SMARCAD1: variants seen among roughly 807,000 people sequenced by gnomAD.
SMARCAD1 encodes SWI/SNF-related matrix-associated actin-dependent regulator of chromatin subfamily A containing DEAD/H box 1.
Under a neutral mutation model 127.1 loss-of-function variants are expected in SMARCAD1, and 25 were observed. That is an observed-to-expected ratio of 0.20 (90% confidence interval 0.14 to 0.27). The LOEUF is 0.27. Ranked by LOEUF, SMARCAD1 falls within the 10% of genes least tolerant of loss-of-function variation. SMARCAD1 has a pLI of 1.00. For synonymous variants in SMARCAD1, 400 were observed against 396.9 expected, an observed-to-expected ratio of 1.01 and a Z score of -0.09; for missense variants, 807 against 1,206.0, an observed-to-expected ratio of 0.67 and a Z score of 4.90.
chr4:94,260,277 A>G (rs1750764001), intron 9 of SMARCAD1, among the ~76,000 whole-genome samples: 1 of 152,210 alleles, frequency 6.6e-6, no homozygotes, highest in South Asian at 2.1e-4. Context: ...TTGTAACATT[A>G]GCATCTGTTG....
At chr4:94,250,398 C>T (rs747959104) in intron 7 of SMARCAD1, among the ~76,000 whole-genome samples, 1 of 151,998 alleles carries the variant, frequency 6.6e-6, no homozygotes, top group Non-Finnish European at 1.5e-5. Context: ...TGGTTCTTTA[C>T]CTTTGTTGAA....
intron 9 of SMARCAD1, among the ~76,000 whole-genome samples, chr4:94,263,704 T>G (rs1007116530): frequency 1.3e-5 from 2 of 152,128 alleles, no homozygotes; most frequent in East Asian, 3.9e-4. Context: ...AATGTGATTC[T>G]TGTCATAACT....
chr4:94,240,345 A>T (rs1468389664), intron 5 of SMARCAD1, among the ~76,000 whole-genome samples: 9 of 152,160 alleles, frequency 5.9e-5, no homozygotes, highest in Admixed American at 5.9e-4. Flanking sequence ...ACTCTATGTT[A>T]TATTCTCTTG....
chr4:94,291,187 G>A lies in SMARCAD1; in HGVS notation c.*1653G>A. 2.2e-6 allele frequency: 1 copy of A among 452,346 alleles called. No homozygotes were observed. The allele number at this position is 452,346 out of a possible 1,614,324, so 28.0% of individuals were successfully genotyped here. ...GGCTGTTTCTTTTTTTGTTGTTATTGTTGTTGTTGTTATATCCATACTTTT... is the reference window on the plus strand; with the variant it reads ...GGCTGTTTCTTTTTTTGTTGTTATTATTGTTGTTGTTATATCCATACTTTT... On this transcript the variant is annotated 3_prime_UTR_variant, in exon 24 of 24. Coordinates refer to ENST00000354268, the MANE Select transcript of SMARCAD1 (RefSeq NM_020159.5).
chr4:94,216,169 C>T (rs965696357), intron 2 of SMARCAD1, among the ~76,000 whole-genome samples: 1 of 152,100 alleles, frequency 6.6e-6, no homozygotes, highest in African/African-American at 2.4e-5. Flanking sequence ...GGGCACTAAT[C>T]CCATTCATGA....
intron 6 of SMARCAD1, among the ~76,000 whole-genome samples, chr4:94,246,600 G>A (rs13435702): frequency 0.57 from 86,875 of 151,888 alleles, 25,023 homozygotes; most frequent in East Asian, 0.72. Flanking sequence ...ACACTCCCAC[G>A]AAAGTGGTGG....
chr4:94,277,463 C>T (rs976906898), intron 16 of SMARCAD1, among the ~76,000 whole-genome samples: 4 of 152,284 alleles, frequency 2.6e-5, no homozygotes, highest in South Asian at 4.1e-4. Flanking sequence ...ATCATTACAT[C>T]ATCTGTATCA....
chr4:94,290,088 G>A lies in SMARCAD1; in HGVS notation c.*554G>A. ...AAGAACTCAACCTGAATTTAAAGGT[G>A]GCATTCCATATACTAACATCCCCCA... On this transcript the variant is annotated 3_prime_UTR_variant, in exon 24 of 24. Transcript: ENST00000354268. 1 of 454,418 alleles carries A rather than the reference G, an allele frequency of 2.2e-6. No homozygotes were observed. The highest frequency in any genetic ancestry group is 1.6e-5 in the South Asian group (1 of 64,474). The allele number at this position is 454,418 out of a possible 1,614,324, so 28.1% of individuals were successfully genotyped here.
chr4:94,236,583 A>C (rs1746692969), intron 4 of SMARCAD1, among the ~76,000 whole-genome samples: 1 of 152,130 alleles, frequency 6.6e-6, no homozygotes, highest in Admixed American at 6.6e-5. Flanking sequence ...ACACACACAT[A>C]CACAAACGTG....
chr4:94,278,980 A>G lies in SMARCAD1; in HGVS notation c.2348A>G (p.Asn783Ser). ...NVMMQLRKMA[N>S]HPLLHRQYYT... is the part of the protein sequence containing the mutation. ...ATGATGCAGTTGAGGAAAATGGCCA[A>G]TCATCCTTTATTACATCGCCAATAT... Residue 783 changes from asparagine to serine, a missense_variant, in exon 19 of 24, where the codon AAT (asparagine) becomes AGT (serine). Physicochemically the swap from Asn to Ser is conservative, Grantham distance 46. Transcript: ENST00000354268. The G allele has an allele frequency of 1.2e-6, 2 of 1,614,146 alleles. No individual in the cohort carries two copies. The highest frequency in any genetic ancestry group is 1.7e-6 in the Non-Finnish European group (2 of 1,180,010).
At chr4:94,240,796 C>G in intron 5 of SMARCAD1, 110 bp from the exon 6 acceptor site, 1 of 760,160 alleles carries the variant, frequency 1.3e-6, no homozygotes. Flanking sequence ...GGCCTGATAT[C>G]AAGAGAACTG....
intron 2 of SMARCAD1, 114 bp downstream of exon 2, chr4:94,208,698 C>T (rs1387069880): frequency 9.7e-7 from 1 of 1,027,576 alleles, no homozygotes; most frequent in East Asian, 2.6e-5. Flanking sequence ...CATTGTCCTG[C>T]GGTGTGCCCT....
intron 2 of SMARCAD1, among the ~76,000 whole-genome samples, chr4:94,217,133 A>C (rs1223986388): frequency 6.6e-6 from 1 of 152,118 alleles, no homozygotes; most frequent in East Asian, 1.9e-4. Context: ...AATGGACATG[A>C]GTTTGTATCT....
chr4:94,236,841 C>T (rs1343895209), intron 4 of SMARCAD1, 111 bp from the exon 5 acceptor site: 3 of 856,906 alleles, frequency 3.5e-6, no homozygotes, highest in East Asian at 5.3e-5. Context: ...CTATGACACA[C>T]ATACTTTCCT....
chr4:94,278,464 G>A lies in SMARCAD1; in HGVS notation c.2125G>A (p.Ala709Thr). Residue 709 changes from alanine to threonine, a missense_variant, in exon 17 of 24, where the codon GCA (alanine) becomes ACA (threonine). By Grantham distance (58) the Ala-to-Thr change is moderately conservative. Transcript: ENST00000354268. ...EQSIYEKERIAHAKQIIKPFI... is the reference protein window; with the variant it reads ...EQSIYEKERITHAKQIIKPFI... ...AAGCATATATGAAAAGGAGAGAATAGCACATGCAAAACAAATTATAAAGCC... is the reference window on the plus strand; with the variant it reads ...AAGCATATATGAAAAGGAGAGAATAACACATGCAAAACAAATTATAAAGCC... 1 of 1,613,800 alleles carries A rather than the reference G, an allele frequency of 6.2e-7. No individual in the cohort carries two copies. Among genetic ancestry groups the A allele is most frequent in the Non-Finnish European group, 8.5e-7 (1 of 1,179,846 alleles).
At chr4:94,212,966 C>A in intron 2 of SMARCAD1, 1 of 773,828 alleles carries the variant, frequency 1.3e-6, no homozygotes, top group Non-Finnish European at 1.9e-6. Flanking sequence ...CTTCTCGGTG[C>A]CCAAAGTTGT....
intron 3 of SMARCAD1, among the ~76,000 whole-genome samples, chr4:94,232,720 A>G (rs770034388): frequency 2.6e-5 from 4 of 152,208 alleles, no homozygotes; most frequent in Non-Finnish European, 4.4e-5. Flanking sequence ...TGGAAGGCCA[A>G]GGCGGGCGGA....
At chr4:94,268,506 G>A (rs1432269580) in intron 10 of SMARCAD1, among the ~76,000 whole-genome samples, 1 of 152,158 alleles carries the variant, frequency 6.6e-6, no homozygotes, top group Non-Finnish European at 1.5e-5. Flanking sequence ...TATGTGAATA[G>A]GATGACTAAA....
At position 94,233,891 on chromosome 4, in the gene SMARCAD1, T is replaced by A. The variant is rs550818828; in HGVS notation, c.369-63T>A. ...TTGTACTATGTATACACATAGACACTATAATGAAATAACATTAGTAATACA... is the reference window on the plus strand; with the variant it reads ...TTGTACTATGTATACACATAGACACAATAATGAAATAACATTAGTAATACA... On this transcript the variant is annotated intron_variant, in intron 3 of 23. Transcript: ENST00000354268. 1.8e-4 allele frequency: 266 copies of A among 1,519,326 alleles called. 1 individual carries two copies. Among genetic ancestry groups the A allele is most frequent in the Admixed American group, 7.2e-4 (42 of 57,962 alleles). 94.1% of individuals were successfully genotyped at this position (1,519,326 alleles called of 1,614,324 possible).
Sources: gnomAD v4.1 joint callset for allele counts (sites outside exome capture counted in the v4.1 genomes callset) on GRCh38, gnomAD v4.1.1 for gene constraint, MANE v1.5 for transcripts, NCBI Gene and HGNC (gene_info 2026-07-23, HGNC 2026-07-21) for gene names.